WDR49: variants seen among roughly 807,000 people sequenced by gnomAD.
WDR49 encodes WD repeat domain 49.
WDR49 carries 107 observed loss-of-function variants against 119.5 expected under a neutral mutation model. That is an observed-to-expected ratio of 0.90 (90% CI 0.77 to 1.05). The LOEUF is 1.05. WDR49 is among the 50% of genes least tolerant of loss of function. WDR49 has a pLI of 0.00. For missense variants in WDR49, 1,240 were observed against 1,220.5 expected, an observed-to-expected ratio of 1.02 and a Z score of -0.24; for synonymous variants, 425 against 418.8, an observed-to-expected ratio of 1.01 and a Z score of -0.18.
chr3:167,611,087 G>A (rs1196825357), intron 5 of WDR49, among the ~76,000 whole-genome samples: 6 of 152,160 alleles, frequency 3.9e-5, no homozygotes, highest in African/African-American at 1.4e-4. Flanking sequence ...ACTCTTATCT[G>A]AAATAGAAAG....
chr3:167,567,767 GAT>G (rs1713691604), intron 8 of WDR49, among the ~76,000 whole-genome samples: 1 of 152,170 alleles, frequency 6.6e-6, no homozygotes, highest in South Asian at 2.1e-4. Context: ...GAAATCATAA[GAT>G]TCTGTGGGGC....
At chr3:167,517,527 G>A (rs765799247) in intron 16 of WDR49, among the ~76,000 whole-genome samples, 1 of 151,952 alleles carries the variant, frequency 6.6e-6, no homozygotes, top group East Asian at 1.9e-4. Flanking sequence ...AACTCAAAAT[G>A]GATTAAAGAC....
intron 7 of WDR49, among the ~76,000 whole-genome samples, chr3:167,592,448 T>TG (rs1715179934): frequency 1.3e-5 from 2 of 150,554 alleles, no homozygotes; most frequent in African/African-American, 4.9e-5. Flanking sequence ...TTTTTTTTTT[T>TG]TTTTTGAGAT....
intron 18 of WDR49, among the ~76,000 whole-genome samples, chr3:167,493,759 T>C (rs1751240057): frequency 6.6e-6 from 1 of 152,222 alleles, no homozygotes. Context: ...TTTTCAGTTA[T>C]CACTTATTCT....
At chr3:167,531,696 C>T (rs1291447129) in intron 12 of WDR49, among the ~76,000 whole-genome samples, 1 of 152,028 alleles carries the variant, frequency 6.6e-6, no homozygotes, top group Non-Finnish European at 1.5e-5. Flanking sequence ...ATTAAATGAG[C>T]CTTTTTAACA....
intron 10 of WDR49, among the ~76,000 whole-genome samples, chr3:167,542,089 A>T (rs1158818697): frequency 6.6e-6 from 1 of 152,130 alleles, no homozygotes; most frequent in Non-Finnish European, 1.5e-5. Flanking sequence ...GGAAAATATC[A>T]CAATCCTAAA....
chr3:167,572,871 G>A (rs6788437), intron 8 of WDR49, among the ~76,000 whole-genome samples: 8,849 of 152,220 alleles, frequency 0.058, 690 homozygotes, highest in African/African-American at 0.17. Context: ...CTGCAATGGC[G>A]AAGAAGAGAA....
intron 15 of WDR49, among the ~76,000 whole-genome samples, chr3:167,524,299 C>A (rs1365980024): frequency 6.6e-6 from 1 of 152,076 alleles, no homozygotes; most frequent in Admixed American, 6.6e-5. Context: ...GGATATTAGA[C>A]CTTTGTCAGA....
chr3:167,483,485 A>AT (rs1750803744), intron 18 of WDR49, among the ~76,000 whole-genome samples: 2 of 151,890 alleles, frequency 1.3e-5, no homozygotes, highest in Admixed American at 6.6e-5. Flanking sequence ...CTCATTTTTA[A>AT]TTTTTTTTCT....
At chr3:167,592,235 G>C (rs1457509348) in intron 7 of WDR49, among the ~76,000 whole-genome samples, 1 of 151,972 alleles carries the variant, frequency 6.6e-6, no homozygotes, top group African/African-American at 2.4e-5. Flanking sequence ...TTAACTTTCT[G>C]TTGTTTCTAT....
intron 3 of WDR49, among the ~76,000 whole-genome samples, chr3:167,622,832 C>T (rs1487623406): frequency 6.6e-6 from 1 of 151,928 alleles, no homozygotes; most frequent in Non-Finnish European, 1.5e-5. Flanking sequence ...AAGCAAATCT[C>T]AAAAAATTTA....
At position 167,576,056 on chromosome 3, in the gene WDR49, A is replaced by G; in HGVS notation, c.1371T>C (p.Phe457=). The G allele has an allele frequency of 6.2e-7, 1 of 1,614,214 alleles. No individual in the cohort carries two copies. The highest frequency in any genetic ancestry group is 8.5e-7 in the Non-Finnish European group (1 of 1,180,030). Residue 457 remains phenylalanine (F), a synonymous_variant, in exon 8 of 19, where the codon TTT becomes TTC. Coordinates refer to ENST00000682715, the MANE Select transcript of WDR49 (RefSeq NM_001366157.1). ...KSQDFRCLFH[F]DEAHGRLFIS... ...TGAAAAGTCGTCCATGGGCTTCATCAAAGTGGAAGAGACATCTGAAGTCCT... is the reference window on the plus strand; with the variant it reads ...TGAAAAGTCGTCCATGGGCTTCATCGAAGTGGAAGAGACATCTGAAGTCCT...
intron 2 of WDR49, among the ~76,000 whole-genome samples, chr3:167,631,307 T>A (rs906664895): frequency 4.6e-5 from 7 of 151,896 alleles, no homozygotes; most frequent in Admixed American, 1.3e-4. Flanking sequence ...TGGTAAAAAA[T>A]AAATAAATAA....
chr3:167,588,820 G>T (rs13062757), intron 7 of WDR49, among the ~76,000 whole-genome samples: 1,537 of 151,968 alleles, frequency 0.01, 9 homozygotes, highest in Non-Finnish European at 0.015. Flanking sequence ...TGAGCTCCTT[G>T]TATATTCTGG....
At chr3:167,526,520 C>T (rs1752635294) in intron 15 of WDR49, among the ~76,000 whole-genome samples, 1 of 152,154 alleles carries the variant, frequency 6.6e-6, no homozygotes, top group African/African-American at 2.4e-5. Context: ...GTCCAGACTG[C>T]CAGCCATGTC....
chr3:167,635,661 T>G (rs920944345), intron 2 of WDR49, among the ~76,000 whole-genome samples: 4 of 151,814 alleles, frequency 2.6e-5, no homozygotes, highest in African/African-American at 9.6e-5. Context: ...TTTTCTCCTC[T>G]GTCAAAGGTT....
chr3:167,505,461 G>T, intron 16 of WDR49, 45 bp from the exon 17 acceptor site: 1 of 1,458,782 alleles, frequency 6.9e-7, no homozygotes, highest in Non-Finnish European at 9.0e-7. Flanking sequence ...TAACCACAGG[G>T]ATGGAGAAAC....
intron 5 of WDR49, among the ~76,000 whole-genome samples, chr3:167,608,102 A>G (rs1716149902): frequency 6.6e-6 from 1 of 152,174 alleles, no homozygotes; most frequent in African/African-American, 2.4e-5. Context: ...CAATAGTACT[A>G]CTACTGTACT....
intron 10 of WDR49, among the ~76,000 whole-genome samples, chr3:167,543,012 C>T (rs1711937950): frequency 2.0e-5 from 3 of 151,970 alleles, no homozygotes; most frequent in Admixed American, 6.6e-5. Context: ...CAACTATGAA[C>T]ACCTTTATGC....
Sources: gnomAD v4.1 joint callset for allele counts (sites outside exome capture counted in the v4.1 genomes callset) on GRCh38, gnomAD v4.1.1 for gene constraint, MANE v1.5 for transcripts, NCBI Gene and HGNC (gene_info 2026-07-23, HGNC 2026-07-21) for gene names.